The following NAV2 variants were observed in gnomAD, a reference collection of about 807,000 sequenced individuals.
The protein encoded by NAV2 is neuron navigator 2.
NAV2 carries 54 observed loss-of-function variants against 223.2 expected under a neutral mutation model. The observed-to-expected ratio is 0.24, with a 90% CI of 0.19 to 0.30. The LOEUF (loss-of-function observed/expected upper bound fraction) is 0.30, where lower values mean the gene tolerates loss of function less well. Among genes scored for constraint, NAV2 ranks in the 10% least tolerant of loss-of-function variants. NAV2 has a pLI of 1.00. For missense variants in NAV2, 2,806 were observed against 3,147.5 expected, an observed-to-expected ratio of 0.89 and a Z score of 2.60; for synonymous variants, 1,279 against 1,239.3, an observed-to-expected ratio of 1.03 and a Z score of -0.67.
chr11:19,814,965 AGT>A (rs747164299), intron 1 of NAV2, among the ~76,000 whole-genome samples: 6 of 152,268 alleles, frequency 3.9e-5, no homozygotes, highest in Admixed American at 3.3e-4. Context: ...TCTAGGAAAG[AGT>A]GTGCTTCTCT....
chr11:19,629,457 G>A (rs1055062872), intron 1 of NAV2, among the ~76,000 whole-genome samples: 2 of 151,786 alleles, frequency 1.3e-5, no homozygotes, highest in Non-Finnish European at 1.5e-5. Flanking sequence ...TGATGTCAGC[G>A]ACATTTTTCT....
chr11:19,674,006 G>A (rs2048645349), intron 1 of NAV2, among the ~76,000 whole-genome samples: 3 of 152,196 alleles, frequency 2.0e-5, no homozygotes, highest in African/African-American at 7.2e-5. Flanking sequence ...TATGGCCATG[G>A]AGCTAATTAA....
At chr11:20,101,843 C>A (rs987413348) in intron 32 of NAV2, among the ~76,000 whole-genome samples, 3 of 152,148 alleles carry the variant, frequency 2.0e-5, no homozygotes, top group Non-Finnish European at 2.9e-5. Context: ...CTTTCTCAGA[C>A]CTGTTCATGC....
chr11:19,990,604 G>A (rs2051237577), intron 11 of NAV2, among the ~76,000 whole-genome samples: 1 of 151,898 alleles, frequency 6.6e-6, no homozygotes, highest in Admixed American at 6.6e-5. Context: ...TAAAGCAAAG[G>A]TGATCTCTCC....
chr11:19,518,457 T>C (rs1203271619), intron 1 of NAV2: 1 of 152,288 alleles, frequency 6.6e-6, no homozygotes, highest in Non-Finnish European at 1.5e-5. Flanking sequence ...GACTGGACAT[T>C]ACTCCACCTC....
At chr11:19,539,133 C>T (rs960838144) in intron 1 of NAV2, among the ~76,000 whole-genome samples, 3 of 152,188 alleles carry the variant, frequency 2.0e-5, no homozygotes, top group Admixed American at 6.5e-5. Context: ...GCCTCTGCAA[C>T]GTCACAGTTT....
rs1445774646 is a variant in NAV2 at position 19,713,760 on chromosome 11, C to T, written c.65C>T (p.Ala22Val). The change falls in exon 1 of 38, where the codon GCG becomes GTG. Residue 22 changes from alanine to valine, a missense_variant. By Grantham distance (64) the Ala-to-Val change is moderately conservative (BLOSUM62 0). Transcript: ENST00000349880. The surrounding 1 kb of genome is among the most constrained non-coding windows in gnomAD (Gnocchi z 7.2). Reference protein sequence around the residue: ...SGLPKPVHSAAPILHVPPARA... With the variant: ...SGLPKPVHSAVPILHVPPARA... ...CTGCCCAAACCCGTGCACAGCGCCG[C>T]GCCCATCCTGCACGTGCCCCCGGCC... 4.3e-6 allele frequency: 7 copies of T among 1,612,538 alleles called. No homozygotes were observed. Among genetic ancestry groups the T allele is most frequent in the African/African-American group, 1.3e-5 (1 of 75,050 alleles).
At chr11:20,017,713 C>T (rs1375512904) in intron 11 of NAV2, among the ~76,000 whole-genome samples, 1 of 152,166 alleles carries the variant, frequency 6.6e-6, no homozygotes. Flanking sequence ...CCCAAAGCTG[C>T]CTAGTTTCCT....
chr11:19,933,116 C>A lies in NAV2; in HGVS notation c.932-60C>A. ...GGTTGTGTGGCCATGGCTGACCCTCCCTGGTCTTCAGTGCAGGTCAACAAG... is the reference window on the plus strand; with the variant it reads ...GGTTGTGTGGCCATGGCTGACCCTCACTGGTCTTCAGTGCAGGTCAACAAG... On this transcript the variant is annotated intron_variant, in intron 6 of 37. Coordinates refer to ENST00000349880, the MANE Select transcript of NAV2 (RefSeq NM_145117.5). The surrounding 1 kb of genome is among the most constrained non-coding windows in gnomAD (Gnocchi z 4.3). 6.8e-7 allele frequency: 1 copy of A among 1,468,456 alleles called. No individual in the cohort carries two copies. 91.0% of individuals were successfully genotyped at this position (1,468,456 alleles called of 1,614,324 possible).
intron 1 of NAV2, among the ~76,000 whole-genome samples, chr11:19,412,911 C>T (rs1056759185): frequency 5.9e-5 from 9 of 152,162 alleles, no homozygotes; most frequent in Admixed American, 2.6e-4. Context: ...CACAAAAACC[C>T]CATCTGAAGG....
intron 6 of NAV2, among the ~76,000 whole-genome samples, chr11:19,901,099 T>TA (rs899318451): frequency 1.3e-5 from 2 of 152,212 alleles, no homozygotes; most frequent in African/African-American, 4.8e-5. Context: ...AGGTAATTGC[T>TA]AAAAAGACAA....
chr11:19,554,308 G>A (rs1057111084), intron 1 of NAV2, among the ~76,000 whole-genome samples: 2 of 152,346 alleles, frequency 1.3e-5, no homozygotes, highest in African/African-American at 4.8e-5. Flanking sequence ...CTAGCCAATA[G>A]CAGAGCCAGG....
At chr11:20,095,046 T>G (rs1302831494) in intron 29 of NAV2, among the ~76,000 whole-genome samples, 2 of 152,212 alleles carry the variant, frequency 1.3e-5, no homozygotes, top group Non-Finnish European at 2.9e-5. Flanking sequence ...ACTAGTTTTC[T>G]GAGTTGCACA....
intron 1 of NAV2, among the ~76,000 whole-genome samples, chr11:19,816,352 A>C (rs1033586802): frequency 3.9e-5 from 6 of 152,238 alleles, no homozygotes; most frequent in Non-Finnish European, 7.3e-5. Context: ...CACAAGTGAC[A>C]CAACAGTCTT....
intron 10 of NAV2, among the ~76,000 whole-genome samples, chr11:19,967,486 T>C (rs964927597): frequency 1.3e-5 from 2 of 152,166 alleles, no homozygotes; most frequent in Non-Finnish European, 2.9e-5. Flanking sequence ...AAATATTGGC[T>C]TGGCATGGAA....
At chr11:20,050,010 G>A (rs1459343673) in intron 16 of NAV2, 109 bp downstream of exon 16, 2 of 961,278 alleles carry the variant, frequency 2.1e-6, no homozygotes, top group East Asian at 2.4e-5. Flanking sequence ...ACCTGCTTGT[G>A]TTTGTGGCTC....
chr11:20,051,301 T>G lies in NAV2; in HGVS notation c.4449T>G (p.Leu1483=). The G allele has an allele frequency of 6.2e-7, 1 of 1,614,162 alleles. No homozygotes were observed. The highest frequency in any genetic ancestry group is 8.5e-7 in the Non-Finnish European group (1 of 1,179,968). Residue 1483 remains leucine, a synonymous_variant, in exon 17 of 38, where the codon CTT becomes CTG. Transcript: ENST00000349880. ...AACTTTCCTACAGTGACCCGCACCT[T>G]GATAGGAACACTTTGCCTAAGAAAG... The part of the protein sequence containing the change: ...LPRKQDSDPH[L]DRNTLPKKGL...
chr11:20,000,414 A>C (rs1335121950), intron 11 of NAV2, among the ~76,000 whole-genome samples: 1 of 152,146 alleles, frequency 6.6e-6, no homozygotes, highest in East Asian at 1.9e-4. Flanking sequence ...TGCACTTATT[A>C]TGTTTCAGGA....
chr11:19,487,968 G>GC (rs1255654448), intron 1 of NAV2, among the ~76,000 whole-genome samples: 3 of 152,196 alleles, frequency 2.0e-5, no homozygotes, highest in African/African-American at 7.2e-5. Flanking sequence ...CACATCAAGA[G>GC]ATAGCTAATG....
Sources: allele counts gnomAD v4.1 joint callset (sites outside exome capture counted in the v4.1 genomes callset), GRCh38; gene constraint gnomAD v4.1.1; non-coding constraint Gnocchi (gnomAD v3.1); transcripts MANE v1.5; gene names NCBI Gene and HGNC (gene_info 2026-07-23, HGNC 2026-07-21).